The following RADIL variants were observed in gnomAD, a reference collection of about 807,000 sequenced individuals.
The protein encoded by RADIL is Rap associating with DIL domain.
A neutral mutation model predicts 97.6 loss-of-function variants in RADIL; 99 were observed. The ratio of observed to expected loss-of-function variants is 1.01; its 90% CI spans 0.86 to 1.20. The LOEUF (loss-of-function observed/expected upper bound fraction) is 1.20, where lower values mean the gene tolerates loss of function less well. RADIL is among the 50% of genes most tolerant of loss of function. RADIL has a pLI of 0.00. For synonymous variants in RADIL, 803 were observed against 691.8 expected (o/e 1.16, Z -2.52); for missense variants, 1,765 against 1,498.9 (o/e 1.18, Z -2.93).
chr7:4,816,143 C>T (rs1782672120), intron 8 of RADIL, 85 bp downstream of exon 8: 2 of 1,343,154 alleles, frequency 1.5e-6, no homozygotes, highest in African/African-American at 2.9e-5. Flanking sequence ...AGAGCCGCCT[C>T]CAGGAGCTGG....
chr7:4,854,953 A>G lies in RADIL; in HGVS notation c.536-18348T>C, dbSNP rs534401831. ...TCCGTGTTTAACATGGCCTTTTTTC[A>G]TTTATAGTTACACCACACATTTTTG... On this transcript the variant is annotated intron_variant, in intron 2 of 14. Transcript: ENST00000399583. This position sits in a 1 kb window ranked among gnomAD's most constrained non-coding sequence, Gnocchi z 5.1. 1.3e-5 allele frequency among the ~76,000 whole-genome samples: 2 copies of G among 152,190 alleles called. No homozygotes were observed. Among genetic ancestry groups the G allele is most frequent in the Admixed American group, 1.3e-4 (2 of 15,280 alleles).
Position 4,842,028 on chromosome 7 carries a change from C to A in RADIL, c.536-5423G>T, listed in dbSNP as rs555483573. 1.3e-5 allele frequency among the ~76,000 whole-genome samples: 2 copies of A among 150,618 alleles called. No individual in the cohort carries two copies. The highest frequency in any genetic ancestry group is 3.9e-4 in the East Asian group (2 of 5,104). ...TACGATCACGCCACCGCACTCCAGC[C>A]TGGGCAACAGAGCAAGACCCTGTCT... On this transcript the variant is annotated intron_variant, in intron 2 of 14. Coordinates refer to ENST00000399583, the MANE Select transcript of RADIL (RefSeq NM_018059.5). This position sits in a 1 kb window ranked among gnomAD's most constrained non-coding sequence, Gnocchi z 4.5.
intron 2 of RADIL, among the ~76,000 whole-genome samples, chr7:4,876,753 C>A (rs953043008): frequency 6.6e-6 from 1 of 152,218 alleles, no homozygotes; most frequent in East Asian, 1.9e-4. Context: ...CTCCTCAGAC[C>A]GACAATGATC....
intron 13 of RADIL, among the ~76,000 whole-genome samples, 156 bp from the exon 14 acceptor site, chr7:4,799,925 A>G (rs1403783944): frequency 2.0e-5 from 3 of 152,174 alleles, no homozygotes; most frequent in South Asian, 2.1e-4. Flanking sequence ...AGCAGTGGAC[A>G]CCACCGTCCC....
Position 4,818,117 on chromosome 7 carries a change from G to A in RADIL, c.1616-766C>T, listed in dbSNP as rs1032292666. On this transcript the variant is annotated intron_variant, in intron 6 of 14. Transcript: ENST00000399583. This position sits in a 1 kb window ranked among gnomAD's most constrained non-coding sequence, Gnocchi z 7.1. Reference sequence around the variant, plus strand: ...CACAGTGGTGTTCCCTGTCAGCCGCGTGGGCGGCCACAGCTCCCCTCCTCT... The same window carrying A: ...CACAGTGGTGTTCCCTGTCAGCCGCATGGGCGGCCACAGCTCCCCTCCTCT... Among the ~76,000 whole-genome samples, 9 of 152,202 alleles carry A rather than the reference G, an allele frequency of 5.9e-5. No individual in the cohort carries two copies. The highest frequency in any genetic ancestry group is 7.4e-5 in the Non-Finnish European group (5 of 68,026).
chr7:4,870,164 C>A (rs1008613262), intron 2 of RADIL, among the ~76,000 whole-genome samples: 1 of 151,626 alleles, frequency 6.6e-6, no homozygotes, highest in Non-Finnish European at 1.5e-5. Context: ...GCAACAACAA[C>A]AAAAACAAAG....
At chr7:4,828,552 T>C (rs1394859116) in intron 5 of RADIL, among the ~76,000 whole-genome samples, 3 of 152,232 alleles carry the variant, frequency 2.0e-5, no homozygotes, top group Non-Finnish European at 4.4e-5. Context: ...TTTAGTCAAA[T>C]TCAGTGATCA....
intron 2 of RADIL, chr7:4,865,890 C>A (rs1784121064): frequency 4.7e-6 from 3 of 640,226 alleles, no homozygotes; most frequent in African/African-American, 3.6e-5. Flanking sequence ...CCGTTATGTT[C>A]TAATTACCTT....
chr7:4,809,376 C>CG (rs1223960874), intron 9 of RADIL: 10 of 985,138 alleles, frequency 1.0e-5, no homozygotes, highest in South Asian at 9.4e-5. Flanking sequence ...CCCGGCTGAG[C>CG]GGGGGGAGGC....
chr7:4,805,589 TCCTGGGCCCCTGGCTCCCA>T lies in RADIL; in HGVS notation c.2248_2266del (p.Trp750ThrfsTer116). On this transcript the variant is annotated frameshift_variant, in exon 10 of 15. Transcript: ENST00000399583. LOFTEE classifies it high-confidence loss of function. ...ACCTGACCTGAAGGCCTCGGGGCTG[TCCTGGGCCCCTGGCTCCCA>T]GGTGCTCATGGGGCCCATGGCCGAG... 1.9e-6 allele frequency: 3 copies of T among 1,611,172 alleles called. No individual in the cohort carries two copies. The highest frequency in any genetic ancestry group is 2.5e-6 in the Non-Finnish European group (3 of 1,179,300).
intron 2 of RADIL, among the ~76,000 whole-genome samples, chr7:4,841,563 G>T (rs1485174575): frequency 6.6e-6 from 1 of 152,178 alleles, no homozygotes; most frequent in African/African-American, 2.4e-5. Context: ...GGCGGGCGCG[G>T]GTCTCCCCTA....
Position 4,867,054 on chromosome 7 carries a change from G to A in RADIL, c.535+10551C>T, listed in dbSNP as rs967396405. ...TGACGCAGCACAGAAGCCCTCACCA[G>A]AAGCCAGGGCCGTGCCCTGGAACTT... On this transcript the variant is annotated intron_variant, in intron 2 of 14. Coordinates refer to ENST00000399583, the MANE Select transcript of RADIL (RefSeq NM_018059.5). This position sits in a 1 kb window ranked among gnomAD's most constrained non-coding sequence, Gnocchi z 4.1. 1.3e-5 allele frequency among the ~76,000 whole-genome samples: 2 copies of A among 152,144 alleles called. No individual in the cohort carries two copies. Among genetic ancestry groups the A allele is most frequent in the African/African-American group, 4.8e-5 (2 of 41,442 alleles).
intron 5 of RADIL, among the ~76,000 whole-genome samples, chr7:4,825,281 C>A (rs551370720): frequency 3.4e-4 from 51 of 152,224 alleles, no homozygotes; most frequent in African/African-American, 1.2e-3. Flanking sequence ...CTGGTCAAGG[C>A]GCGGGTATCT....
chr7:4,815,342 T>C lies in RADIL; in HGVS notation c.2075A>G (p.His692Arg). 6.4e-7 allele frequency: 1 copy of C among 1,557,228 alleles called. No homozygotes were observed. Among genetic ancestry groups the C allele is most frequent in the Middle Eastern group, 2.1e-4 (1 of 4,848 alleles). Reference protein sequence around the residue: ...RSAGFGAAGEHFFQKLSCTLN... With the variant: ...RSAGFGAAGERFFQKLSCTLN... ...GGTGCAGGAGAGCTTCTGGAAGAAG[T>C]GCTCTCCAGCCGCCCCGAAGCCGGC... The change falls in exon 9 of 15, where the codon CAC (histidine) becomes CGC (arginine). Residue 692 changes from histidine (H) to arginine (R), a missense_variant. By Grantham distance (29) the His-to-Arg change is conservative (BLOSUM62 0). Coordinates refer to ENST00000399583, the MANE Select transcript of RADIL (RefSeq NM_018059.5). This position sits in a 1 kb window ranked among gnomAD's most constrained non-coding sequence, Gnocchi z 8.0.
In RADIL at chr7:4,837,918, GTGGCGGCC is replaced by G. The variant is rs1372648811; in HGVS notation, c.536-1321_536-1314del. ...TTCAGGTTAAGATCCATCCCCATCT[GTGGCGGCC>G]TTTCCTCCAACCATTCCCAATAAAA... On this transcript the variant is annotated intron_variant, in intron 2 of 14. Transcript: ENST00000399583. This position sits in a 1 kb window ranked among gnomAD's most constrained non-coding sequence, Gnocchi z 5.6. 1 of 985,306 alleles carries G rather than the reference GTGGCGGCC, an allele frequency of 1.0e-6. No individual in the cohort carries two copies. The highest frequency in any genetic ancestry group is 1.2e-6 in the Non-Finnish European group (1 of 829,944). 61.0% of individuals were successfully genotyped at this position (985,306 alleles called of 1,614,324 possible).
intron 4 of RADIL, 159 bp from the exon 5 acceptor site, chr7:4,832,337 TTCC>T: frequency 1.4e-6 from 1 of 705,978 alleles, no homozygotes; most frequent in African/African-American, 1.8e-5. Context: ...AAAGGACATT[TTCC>T]ATGTGACTTC....
At position 4,814,531 on chromosome 7, in the gene RADIL, T is replaced by A. The variant is rs149447354; in HGVS notation, c.2139+747A>T. On this transcript the variant is annotated intron_variant, in intron 9 of 14. Transcript: ENST00000399583. The surrounding 1 kb of genome is among the most constrained non-coding windows in gnomAD (Gnocchi z 4.5). ...CATTAATTACCTGTGATGACTGTGT[T>A]GGGAAGGGGGGTGGTGAGTGGCTGA... Among the ~76,000 whole-genome samples the A allele has an allele frequency of 2.9e-3, 403 of 137,162 alleles. 1 individual carries two copies. The highest frequency in any genetic ancestry group is 0.01 in the African/African-American group (386 of 36,824). The allele number at this position is 137,162 out of a possible 152,430, so 90.0% of individuals were successfully genotyped here. A position where few individuals can be genotyped will look rare whatever the true frequency, so the allele number is the denominator to read the frequency against.
At chr7:4,802,137 G>A in intron 11 of RADIL, 142 bp from the exon 12 acceptor site, 1 of 687,842 alleles carries the variant, frequency 1.5e-6, no homozygotes, top group South Asian at 2.3e-5. Context: ...TGTGCAGCTT[G>A]AGACGCGCAA....
chr7:4,855,321 A>T (rs1177018463), intron 2 of RADIL, among the ~76,000 whole-genome samples: 2 of 152,132 alleles, frequency 1.3e-5, no homozygotes, highest in African/African-American at 4.8e-5. Context: ...CACTGGAGGT[A>T]AACTAGAAGG....
Sources: gnomAD v4.1 joint callset for allele counts (sites outside exome capture counted in the v4.1 genomes callset) on GRCh38, gnomAD v4.1.1 for gene constraint, Gnocchi (gnomAD v3.1) non-coding constraint, MANE v1.5 for transcripts, NCBI Gene and HGNC (gene_info 2026-07-23, HGNC 2026-07-21) for gene names.